The following AUTS2 variants were observed in gnomAD, a reference collection of about 807,000 sequenced individuals.
The protein encoded by AUTS2 is activator of transcription and developmental regulator AUTS2, also known as autism susceptibility gene 2 protein.
A neutral mutation model predicts 112.4 loss-of-function variants in AUTS2; 17 were observed. The ratio of observed to expected loss-of-function variants is 0.15; its 90% CI spans 0.10 to 0.23. The LOEUF (loss-of-function observed/expected upper bound fraction) is 0.23, where lower values mean the gene tolerates loss of function less well. Among genes scored for constraint, AUTS2 ranks in the 10% least tolerant of loss-of-function variants. AUTS2 has a pLI of 1.00. For synonymous variants in AUTS2, 751 were observed against 702.7 expected, an observed-to-expected ratio of 1.07 and a Z score of -1.09; for missense variants, 1,510 against 1,701.6, an observed-to-expected ratio of 0.89 and a Z score of 1.98.
chr7:70,735,798 G>A (rs1055442220), intron 6 of AUTS2, among the ~76,000 whole-genome samples: 3 of 152,140 alleles, frequency 2.0e-5, no homozygotes, highest in Admixed American at 6.5e-5. Flanking sequence ...CCATTCCCCC[G>A]AGGAAGATTT....
At chr7:70,492,886 T>C (rs533861951) in intron 5 of AUTS2, among the ~76,000 whole-genome samples, 18 of 152,298 alleles carry the variant, frequency 1.2e-4, no homozygotes, top group Non-Finnish European at 2.1e-4. Context: ...TCTGAGAAAG[T>C]GTTTTTCTCC....
At chr7:70,543,092 G>T (rs963529504) in intron 5 of AUTS2, among the ~76,000 whole-genome samples, 13 of 152,140 alleles carry the variant, frequency 8.5e-5, no homozygotes, top group African/African-American at 2.4e-4. Flanking sequence ...ACTGTCTTGT[G>T]GAAATATAAT....
intron 4 of AUTS2, among the ~76,000 whole-genome samples, chr7:70,319,046 G>A: frequency 6.6e-6 from 1 of 152,230 alleles, no homozygotes; most frequent in East Asian, 1.9e-4. Context: ...TATAGAACAA[G>A]CATCCACTTA....
chr7:70,592,333 C>CT (rs1473456628), intron 5 of AUTS2, among the ~76,000 whole-genome samples: 2 of 151,890 alleles, frequency 1.3e-5, no homozygotes, highest in African/African-American at 4.8e-5. Context: ...TGTAATACTG[C>CT]TTTTTTGTTT....
intron 2 of AUTS2, among the ~76,000 whole-genome samples, chr7:69,924,980 T>C (rs1029218627): frequency 5.9e-5 from 9 of 152,270 alleles, no homozygotes; most frequent in Admixed American, 6.5e-5. Flanking sequence ...ATTTATGTTA[T>C]CCATTTCTTC....
At chr7:70,496,169 T>C (rs1282217469) in intron 5 of AUTS2, among the ~76,000 whole-genome samples, 1 of 40,150 alleles carries the variant, frequency 2.5e-5, no homozygotes, top group Non-Finnish European at 4.4e-5. Flanking sequence ...ACGTACACAG[T>C]CACACACACA....
At chr7:70,744,617 C>T (rs999489818) in intron 6 of AUTS2, among the ~76,000 whole-genome samples, 2 of 152,288 alleles carry the variant, frequency 1.3e-5, no homozygotes, top group Middle Eastern at 6.8e-3. Context: ...GGCTGCCGGG[C>T]GCATGCCGTT....
chr7:69,874,799 T>C (rs532107695), intron 1 of AUTS2, among the ~76,000 whole-genome samples: 1 of 152,066 alleles, frequency 6.6e-6, no homozygotes, highest in Non-Finnish European at 1.5e-5. Context: ...CCTGGGATCA[T>C]AGGCATGCAC....
rs35280015 is a variant in AUTS2, at chr7:70,280,450, ATTT to A, written c.660+145896_660+145898del. Among the ~76,000 whole-genome samples, 85 of 121,848 alleles carry A rather than the reference ATTT, an allele frequency of 7.0e-4. 1 individual carries two copies. Among genetic ancestry groups the A allele is most frequent in the African/African-American group, 2.2e-3 (72 of 32,270 alleles). The allele number at this position is 121,848 out of a possible 152,430, so 79.9% of individuals were successfully genotyped here. A position where few individuals can be genotyped will look rare whatever the true frequency, so the allele number is the denominator to read the frequency against. Reference sequence around the variant, plus strand: ...AGGTGCCCGCCACCATGCCCGGCTGATTTTTTTTTTTTTTTTTTTGTATTTTTA... The same window carrying A: ...AGGTGCCCGCCACCATGCCCGGCTGATTTTTTTTTTTTTTTTGTATTTTTA... On this transcript the variant is annotated intron_variant, in intron 4 of 18. Transcript: ENST00000342771.
chr7:69,678,501 G>A (rs73436174), intron 1 of AUTS2, among the ~76,000 whole-genome samples: 4,763 of 152,068 alleles, frequency 0.031, 108 homozygotes, highest in African/African-American at 0.063. Context: ...TGTTGTGAGC[G>A]GAACAAAAAT....
At position 69,857,312 on chromosome 7, in the gene AUTS2, G is replaced by A. The variant is rs79327974; in HGVS notation, c.310-41974G>A. Among the ~76,000 whole-genome samples, 301 of 152,198 alleles carry A rather than the reference G, an allele frequency of 2.0e-3. 9 individuals are homozygous for A. In the East Asian group the frequency reaches 0.052, roughly 26 times the overall value. ...CTGAGAGGTATTATTTCTATATGTC[G>A]GTCTTTATTTGCCTGTTTTGACAGT... On this transcript the variant is annotated intron_variant, in intron 1 of 18. Transcript: ENST00000342771.
intron 5 of AUTS2, among the ~76,000 whole-genome samples, chr7:70,558,210 G>T (rs1801329406): frequency 6.6e-6 from 1 of 152,068 alleles, no homozygotes; most frequent in African/African-American, 2.4e-5. Context: ...CAGGCACTTG[G>T]CTCTCTGGTC....
intron 1 of AUTS2, among the ~76,000 whole-genome samples, chr7:69,680,435 GT>G (rs1354562620): frequency 2.0e-5 from 3 of 152,158 alleles, no homozygotes; most frequent in Non-Finnish European, 2.9e-5. Context: ...CATTATCATT[GT>G]TGTTTTTTAT....
intron 5 of AUTS2, among the ~76,000 whole-genome samples, chr7:70,474,073 C>T (rs897881830): frequency 1.3e-5 from 2 of 152,194 alleles, no homozygotes; most frequent in Admixed American, 6.5e-5. Flanking sequence ...AATCATCTAC[C>T]GTAGACCAAA....
intron 2 of AUTS2, among the ~76,000 whole-genome samples, chr7:69,963,175 G>C (rs530633737): frequency 6.6e-6 from 1 of 152,096 alleles, no homozygotes; most frequent in Non-Finnish European, 1.5e-5. Flanking sequence ...TGCTGCAGAA[G>C]CCTGTTTTGG....
At chr7:70,541,196 C>T (rs1800538858) in intron 5 of AUTS2, among the ~76,000 whole-genome samples, 2 of 152,126 alleles carry the variant, frequency 1.3e-5, no homozygotes, top group South Asian at 2.1e-4. Context: ...CTTGGTTTCC[C>T]AGCCCTGCAT....
intron 4 of AUTS2, among the ~76,000 whole-genome samples, chr7:70,317,703 A>C (rs1790061356): frequency 6.6e-6 from 1 of 152,210 alleles, no homozygotes; most frequent in South Asian, 2.1e-4. Context: ...AAGCTCCCTC[A>C]GGCTGGCACA....
intron 5 of AUTS2, among the ~76,000 whole-genome samples, chr7:70,485,619 C>A (rs1297813865): frequency 6.6e-6 from 1 of 151,412 alleles, no homozygotes; most frequent in African/African-American, 2.4e-5. Context: ...AAAACTATTG[C>A]ATTTGTAAAA....
rs186747241 is a variant in AUTS2 at position 70,156,213 on chromosome 7, T to C, written c.660+21642T>C. Among the ~76,000 whole-genome samples the C allele has an allele frequency of 2.2e-4, 33 of 152,292 alleles. 1 individual carries two copies. The East Asian group carries it at 6.2e-3, about 29-fold the overall frequency. On this transcript the variant is annotated intron_variant, in intron 4 of 18. Transcript: ENST00000342771. ...TCCCCTGTACTTCTCTCTGTTGACA[T>C]AGAATATGCAAAGTCCAAGAGATGT...
Sources: gnomAD v4.1 joint callset for allele counts (sites outside exome capture counted in the v4.1 genomes callset) on GRCh38, gnomAD v4.1.1 for gene constraint, MANE v1.5 for transcripts, NCBI Gene and HGNC (gene_info 2026-07-23, HGNC 2026-07-21) for gene names.